SPON1: variants seen among roughly 807,000 people sequenced by gnomAD.
The protein encoded by SPON1 is spondin-1.
Under a neutral mutation model 111.7 loss-of-function variants are expected in SPON1, and 52 were observed. The observed-to-expected ratio is 0.47, with a 90% CI of 0.37 to 0.59. The LOEUF (loss-of-function observed/expected upper bound fraction) is 0.59, where lower values mean the gene tolerates loss of function less well. Ranked by LOEUF, SPON1 falls within the 20% of genes least tolerant of loss-of-function variation. The probability of loss-of-function intolerance (pLI) is 0.00; values close to 1 mark genes in which losing one functional copy is unlikely to be tolerated. For synonymous variants in SPON1, 410 were observed against 395.8 expected (o/e 1.04, Z -0.43); for missense variants, 957 against 1,068.5 (o/e 0.90, Z 1.46).
intron 5 of SPON1, among the ~76,000 whole-genome samples, chr11:14,083,712 A>G (rs1389401679): frequency 3.3e-5 from 5 of 152,224 alleles, no homozygotes; most frequent in Admixed American, 3.3e-4. Context: ...AGTATTTAAT[A>G]TTGGAAAGCT....
chr11:14,101,090 G>GT (rs1303898564), intron 5 of SPON1, among the ~76,000 whole-genome samples: 1 of 151,868 alleles, frequency 6.6e-6, no homozygotes, highest in Admixed American at 6.6e-5. Flanking sequence ...ACTTGATGTC[G>GT]TTTTTTTCTT....
intron 6 of SPON1, among the ~76,000 whole-genome samples, chr11:14,182,224 C>A (rs1000316451): frequency 6.6e-6 from 1 of 152,160 alleles, no homozygotes; most frequent in Non-Finnish European, 1.5e-5. Context: ...TCCTGATATT[C>A]ATTCACCTCC....
chr11:14,024,786 C>T (rs991947336), intron 2 of SPON1, among the ~76,000 whole-genome samples: 22 of 152,228 alleles, frequency 1.4e-4, no homozygotes, highest in African/African-American at 4.8e-4. Context: ...CTCTTCTCTA[C>T]CCAGGGCTTC....
chr11:13,999,341 A>G (rs1247255003), intron 2 of SPON1, among the ~76,000 whole-genome samples: 1 of 152,074 alleles, frequency 6.6e-6, no homozygotes, highest in Admixed American at 6.6e-5. Flanking sequence ...TATATTTTAG[A>G]TCATTTCCAT....
intron 6 of SPON1, among the ~76,000 whole-genome samples, chr11:14,202,685 G>A (rs538046719): frequency 9.2e-5 from 14 of 152,222 alleles, no homozygotes; most frequent in African/African-American, 2.4e-4. Context: ...TGCCAGACCC[G>A]GTGTTTCATG....
At chr11:14,250,665 G>C (rs1849043728) in intron 7 of SPON1, among the ~76,000 whole-genome samples, 1 of 152,116 alleles carries the variant, frequency 6.6e-6, no homozygotes, top group Non-Finnish European at 1.5e-5. Flanking sequence ...GTCCCAGGTA[G>C]AAAGATGAAA....
chr11:14,224,975 G>A (rs1848721867), intron 6 of SPON1, among the ~76,000 whole-genome samples: 1 of 152,242 alleles, frequency 6.6e-6, no homozygotes, highest in African/African-American at 2.4e-5. Flanking sequence ...TGTAAAGACA[G>A]TGAAGGCAAT....
At chr11:14,182,742 G>A (rs1848247753) in intron 6 of SPON1, among the ~76,000 whole-genome samples, 1 of 152,116 alleles carries the variant, frequency 6.6e-6, no homozygotes, top group African/African-American at 2.4e-5. Context: ...CCTCACAAAG[G>A]CACCATATAG....
chr11:14,236,691 G>A (rs1041093330), intron 6 of SPON1, among the ~76,000 whole-genome samples: 11 of 152,196 alleles, frequency 7.2e-5, no homozygotes, highest in Non-Finnish European at 1.0e-4. Flanking sequence ...AGGAGTCAGC[G>A]AGGGAGACTG....
chr11:14,243,212 GGCAGGAAAA>G, intron 6 of SPON1, 111 bp from the exon 7 acceptor site: 1 of 909,592 alleles, frequency 1.1e-6, no homozygotes, highest in Non-Finnish European at 1.7e-6. Context: ...TGTACACCCA[GGCAGGAAAA>G]GCCCCAACAG....
chr11:14,097,589 G>A (rs1849111539), intron 5 of SPON1, among the ~76,000 whole-genome samples: 2 of 151,972 alleles, frequency 1.3e-5, no homozygotes, highest in South Asian at 4.1e-4. Context: ...TATTCCTTGG[G>A]TTACATAAGT....
intron 2 of SPON1, among the ~76,000 whole-genome samples, chr11:14,000,274 C>T (rs1001566271): frequency 6.6e-5 from 10 of 152,112 alleles, no homozygotes; most frequent in African/African-American, 2.4e-4. Context: ...CACTTCTTTC[C>T]GGTTTCTGCT....
chr11:13,993,109 C>G (rs1848244284), intron 2 of SPON1, among the ~76,000 whole-genome samples: 1 of 151,934 alleles, frequency 6.6e-6, no homozygotes, highest in African/African-American at 2.4e-5. Flanking sequence ...ATGAGTGAAT[C>G]CTTATACAGA....
At chr11:14,261,799 G>A (rs1476504755) in intron 14 of SPON1, among the ~76,000 whole-genome samples, 1 of 152,062 alleles carries the variant, frequency 6.6e-6, no homozygotes, top group Non-Finnish European at 1.5e-5. Context: ...AAAATTTATG[G>A]AGCACTTACA....
chr11:14,237,781 T>G (rs1384783093), intron 6 of SPON1, among the ~76,000 whole-genome samples: 2 of 152,228 alleles, frequency 1.3e-5, no homozygotes, highest in African/African-American at 4.8e-5. Context: ...TAACTTTCAG[T>G]GTTGTGAACA....
intron 5 of SPON1, among the ~76,000 whole-genome samples, chr11:14,130,470 A>T (rs114938497): frequency 2.6e-5 from 4 of 152,088 alleles, no homozygotes; most frequent in Non-Finnish European, 5.9e-5. Flanking sequence ...TTTGTTCTCA[A>T]ACCCCCTTAT....
At chr11:13,993,462 A>G (rs541400369) in intron 2 of SPON1, among the ~76,000 whole-genome samples, 33 of 152,006 alleles carry the variant, frequency 2.2e-4, no homozygotes, top group African/African-American at 7.2e-4. Flanking sequence ...ATTACCAAAA[A>G]CTGCTCCCTG....
At chr11:14,140,065 A>G (rs1323359848) in intron 6 of SPON1, among the ~76,000 whole-genome samples, 1 of 152,156 alleles carries the variant, frequency 6.6e-6, no homozygotes, top group Non-Finnish European at 1.5e-5. Context: ...AGAGGCACAT[A>G]CATGACTATT....
chr11:13,974,189 C>A (rs1279639389), intron 1 of SPON1, among the ~76,000 whole-genome samples: 1 of 152,210 alleles, frequency 6.6e-6, no homozygotes. Context: ...GAAAGGGGAG[C>A]ACTGTGACTA....
Sources: allele counts gnomAD v4.1 joint callset (sites outside exome capture counted in the v4.1 genomes callset), GRCh38; gene constraint gnomAD v4.1.1; transcripts MANE v1.5; gene names NCBI Gene and HGNC (gene_info 2026-07-23, HGNC 2026-07-21).